The following CEP89 variants were observed in gnomAD, a reference collection of about 807,000 sequenced individuals.
CEP89 encodes the protein centrosomal protein 89, also known as centrosomal protein of 89 kDa.
In CEP89, 95 loss-of-function variants were observed where a neutral mutation model predicts 97.6. The observed-to-expected ratio is 0.97, with a 90% confidence interval of 0.82 to 1.15. The LOEUF is 1.15. CEP89 is among the 50% of genes most tolerant of loss of function. The pLI is 0.00. For synonymous variants in CEP89, 354 were observed against 349.1 expected (o/e 1.01, Z -0.16); for missense variants, 869 against 947.7 (o/e 0.92, Z 1.09).
intron 5 of CEP89, among the ~76,000 whole-genome samples, chr19:32,942,737 C>T (rs567454161): frequency 6.6e-6 from 1 of 152,246 alleles, no homozygotes; most frequent in African/African-American, 2.4e-5. Context: ...TCACCCTCCT[C>T]ATTTCTATTA....
intron 7 of CEP89, among the ~76,000 whole-genome samples, chr19:32,934,491 G>A (rs939104527): frequency 1.3e-5 from 2 of 152,192 alleles, no homozygotes; most frequent in East Asian, 1.9e-4. Flanking sequence ...CCTGGCCAGC[G>A]CACCTCCCAG....
Position 32,881,977 on chromosome 19 carries a change from T to C in CEP89, c.2002A>G (p.Ile668Val), listed in dbSNP as rs372993629. 2.5e-6 allele frequency: 4 copies of C among 1,586,172 alleles called. No individual in the cohort carries two copies. In the African/African-American group the frequency reaches 4.0e-5, roughly 16 times the overall value. ...KKQAALKLGD[I>V]SHRLLEQQED... ...TGCTGCTCCAGCAGACGGTGACTGA[T>C]GTCCCCCAGCTTCAGTGCTGCCTGC... Residue 668 changes from isoleucine to valine, a missense_variant, in exon 18 of 19, where the codon ATC (isoleucine) becomes GTC (valine). Coordinates refer to ENST00000305768, the MANE Select transcript of CEP89 (RefSeq NM_032816.5).
At chr19:32,932,938 G>T (rs1216171836) in intron 8 of CEP89, among the ~76,000 whole-genome samples, 1 of 152,062 alleles carries the variant, frequency 6.6e-6, no homozygotes, top group South Asian at 2.1e-4. Context: ...TGACAAGAGT[G>T]GGATGCTGTC....
At chr19:32,915,586 A>G in intron 13 of CEP89, 69 bp from the exon 14 acceptor site, 1 of 1,336,846 alleles carries the variant, frequency 7.5e-7, no homozygotes, top group Admixed American at 2.2e-5. Context: ...ATGGGCTATT[A>G]GGAAATACTA....
chr19:32,922,677 A>C (rs1970274198), intron 12 of CEP89, among the ~76,000 whole-genome samples: 1 of 151,870 alleles, frequency 6.6e-6, no homozygotes, highest in Non-Finnish European at 1.5e-5. Flanking sequence ...GTGAAACCCC[A>C]TCTCTACTAA....
intron 11 of CEP89, among the ~76,000 whole-genome samples, chr19:32,925,480 T>C (rs1267652099): frequency 6.9e-6 from 1 of 144,302 alleles, no homozygotes; most frequent in African/African-American, 2.6e-5. Context: ...TCTGCCCAAA[T>C]AGCCCTTTTT....
chr19:32,912,139 G>A (rs111280920), intron 14 of CEP89, among the ~76,000 whole-genome samples: 2,822 of 151,332 alleles, frequency 0.019, 86 homozygotes, highest in African/African-American at 0.066. Context: ...GGAGGTGGAG[G>A]CTGCAGTGAG....
intron 8 of CEP89, among the ~76,000 whole-genome samples, chr19:32,932,729 A>G (rs527628967): frequency 3.3e-5 from 5 of 151,902 alleles, no homozygotes; most frequent in Non-Finnish European, 7.4e-5. Flanking sequence ...CCTTGAGGCC[A>G]GGAGTTTGAG....
At chr19:32,934,317 C>T (rs909432600) in intron 7 of CEP89, among the ~76,000 whole-genome samples, 34 of 152,120 alleles carry the variant, frequency 2.2e-4, no homozygotes, top group Non-Finnish European at 2.8e-4. Flanking sequence ...GGGAGACTGA[C>T]GAGCCACTGG....
intron 12 of CEP89, among the ~76,000 whole-genome samples, chr19:32,922,197 G>T (rs1002489290): frequency 6.6e-6 from 1 of 152,144 alleles, no homozygotes; most frequent in Admixed American, 6.6e-5. Context: ...ATAGGCAGGC[G>T]CAGTGTGGCA....
At chr19:32,966,571 C>T (rs1971289141) in intron 1 of CEP89, 105 bp from the exon 2 acceptor site, 3 of 528,494 alleles carry the variant, frequency 5.7e-6, no homozygotes, top group Non-Finnish European at 9.3e-6. Flanking sequence ...GCACTGGCCA[C>T]CCATGGATCC....
At position 32,947,727 on chromosome 19, in the gene CEP89, T is replaced by C. The variant is rs188052724; in HGVS notation, c.595+539A>G. Among the ~76,000 whole-genome samples the C allele has an allele frequency of 2.6e-5, 4 of 151,148 alleles. No homozygotes were observed. The East Asian group carries it at 7.9e-4, about 30-fold the overall frequency. ...AGAGTCTATGTTGCCCAAGCTGGTC[T>C]CAAACTCCTAAGCTCAAGAGATCTA... On this transcript the variant is annotated intron_variant, in intron 5 of 18. Coordinates refer to ENST00000305768, the MANE Select transcript of CEP89 (RefSeq NM_032816.5).
chr19:32,938,253 C>T (rs1361256260), intron 6 of CEP89, among the ~76,000 whole-genome samples: 3 of 152,086 alleles, frequency 2.0e-5, no homozygotes, highest in East Asian at 1.9e-4. Flanking sequence ...AGGTAGATCC[C>T]GTGAGTAGCG....
At chr19:32,955,388 G>A (rs1311404188) in intron 3 of CEP89, among the ~76,000 whole-genome samples, 1 of 152,076 alleles carries the variant, frequency 6.6e-6, no homozygotes, top group African/African-American at 2.4e-5. Context: ...TTGCTTAGGT[G>A]GGGTTTTTTT....
intron 14 of CEP89, among the ~76,000 whole-genome samples, chr19:32,902,339 C>G (rs1969798665): frequency 6.6e-6 from 1 of 152,116 alleles, no homozygotes; most frequent in South Asian, 2.1e-4. Context: ...GGTTTGTCAA[C>G]TGTAACTGTA....
At chr19:32,938,943 C>T (rs1436559225) in intron 6 of CEP89, among the ~76,000 whole-genome samples, 1 of 152,052 alleles carries the variant, frequency 6.6e-6, no homozygotes, top group African/African-American at 2.4e-5. Context: ...GAGCAAGACT[C>T]CATCTCAGAA....
Position 32,901,263 on chromosome 19 carries a change from C to T in CEP89, c.1715G>A (p.Arg572Gln), listed in dbSNP as rs759139017. 10 of 1,610,572 alleles carry T rather than the reference C, an allele frequency of 6.2e-6. No individual in the cohort carries two copies. The highest frequency in any genetic ancestry group is 3.4e-5 in the Admixed American group (2 of 58,792). Residue 572 changes from arginine (R) to glutamine (Q), a missense_variant, in exon 15 of 19, where the codon CGA (arginine) becomes CAA (glutamine). Coordinates refer to ENST00000305768, the MANE Select transcript of CEP89 (RefSeq NM_032816.5). ...CACAAACCTATTGATTTTCTGTGCTCGTTCAAGTTCGGCTTCCAGTGCTTT... is the reference window on the plus strand; with the variant it reads ...CACAAACCTATTGATTTTCTGTGCTTGTTCAAGTTCGGCTTCCAGTGCTTT... ...QNKALEAELE[R>Q]AQKINRKSQK...
chr19:32,945,276 C>T (rs1970772589), intron 5 of CEP89, among the ~76,000 whole-genome samples: 1 of 110,064 alleles, frequency 9.1e-6, no homozygotes, highest in East Asian at 2.6e-4. Context: ...AAGAGTGAAA[C>T]TATGTTTCAA....
At chr19:32,948,082 C>A (rs936149006) in intron 5 of CEP89, among the ~76,000 whole-genome samples, 184 bp downstream of exon 5, 3 of 152,208 alleles carry the variant, frequency 2.0e-5, no homozygotes, top group African/African-American at 7.2e-5. Flanking sequence ...GCTAGGATTA[C>A]AGGCGTGAGC....
Sources: allele counts gnomAD v4.1 joint callset (sites outside exome capture counted in the v4.1 genomes callset), GRCh38; gene constraint gnomAD v4.1.1; transcripts MANE v1.5; gene names NCBI Gene and HGNC (gene_info 2026-07-23, HGNC 2026-07-21).